The following EVL variants were observed in gnomAD, a reference collection of about 807,000 sequenced individuals.
EVL encodes the protein Enah/Vasp-like, also known as ena/VASP-like protein.
A neutral mutation model predicts 59.6 loss-of-function variants in EVL; 21 were observed. The observed-to-expected ratio is 0.35, with a 90% CI of 0.25 to 0.51. The LOEUF (loss-of-function observed/expected upper bound fraction) is 0.51. EVL is among the 20% of genes least tolerant of loss of function. The probability of loss-of-function intolerance (pLI) is 0.97; values close to 1 mark genes in which losing one functional copy is unlikely to be tolerated. For synonymous variants in EVL, 198 were observed against 203.5 expected (o/e 0.97, Z 0.23); for missense variants, 462 against 546.6 (o/e 0.85, Z 1.54).
chr14:100,067,808 G>A lies in EVL; in HGVS notation c.11+2297G>A, dbSNP rs116656807. ...GGAAGACAGCACTCACAGAAATGAG[G>A]AGGCGACTGGCTGTGAGGACCCTGC... On this transcript the variant is annotated intron_variant, in intron 1 of 13. Transcript: ENST00000392920. 4.6e-3 allele frequency among the ~76,000 whole-genome samples: 693 copies of A among 152,282 alleles called. 4 individuals are homozygous for A. The highest frequency in any genetic ancestry group is 0.015 in the African/African-American group (638 of 41,568).
At chr14:100,037,628 T>C (rs547191026) in intron 1 of EVL, among the ~76,000 whole-genome samples, 4 of 152,310 alleles carry the variant, frequency 2.6e-5, no homozygotes, top group African/African-American at 9.6e-5. Flanking sequence ...ACAAATAAAA[T>C]ATAGAATATT....
At chr14:100,023,020 T>C (rs1007069900) in intron 1 of EVL, among the ~76,000 whole-genome samples, 3 of 152,108 alleles carry the variant, frequency 2.0e-5, no homozygotes, top group Admixed American at 6.6e-5. Context: ...TGTGATGATT[T>C]ACTGCTGCCT....
Position 100,114,880 on chromosome 14 carries a change from G to C in EVL, c.359-8659G>C, listed in dbSNP as rs572137118. ...TTTGCAATGACATCCTTGCGGAAGC[G>C]GCAGGGTGGAAGCAGCAGCTGGGTA... is the stretch of plus-strand genomic sequence containing the variant. On this transcript the variant is annotated intron_variant, in intron 3 of 13. Transcript: ENST00000392920. This position sits in a 1 kb window ranked among gnomAD's most constrained non-coding sequence, Gnocchi z 5.0. Among the ~76,000 whole-genome samples, 2 of 152,086 alleles carry C rather than the reference G, an allele frequency of 1.3e-5. No individual in the cohort carries two copies. Among genetic ancestry groups the C allele is most frequent in the Non-Finnish European group, 2.9e-5 (2 of 68,004 alleles).
intron 1 of EVL, among the ~76,000 whole-genome samples, chr14:100,028,503 C>G (rs1393255114): frequency 6.6e-6 from 1 of 152,094 alleles, no homozygotes; most frequent in Non-Finnish European, 1.5e-5. Context: ...GATGGCAAAG[C>G]AGATATACTT....
intron 2 of EVL, chr14:100,096,882 A>G (rs929858947): frequency 3.3e-5 from 5 of 152,248 alleles, no homozygotes; most frequent in African/African-American, 1.2e-4. Flanking sequence ...TAAGATATGA[A>G]TAATGCTGTA....
At chr14:99,986,696 T>C (rs551504862) in intron 1 of EVL, among the ~76,000 whole-genome samples, 4 of 152,368 alleles carry the variant, frequency 2.6e-5, no homozygotes, top group Admixed American at 2.6e-4. Flanking sequence ...TGTAGCCTAG[T>C]TCCAAGGAGA....
At chr14:100,062,924 C>A (rs1415146696), upstream of EVL, among the ~76,000 whole-genome samples, 2 of 152,078 alleles carry the variant, frequency 1.3e-5, no homozygotes, top group African/African-American at 4.8e-5. Context: ...AAGACCCCAT[C>A]TCTATTTAAA....
intron 1 of EVL, among the ~76,000 whole-genome samples, chr14:100,024,227 ACTCTT>A (rs2061173871): frequency 6.6e-6 from 1 of 152,136 alleles, no homozygotes; most frequent in South Asian, 2.1e-4. Context: ...ATTTATATCT[ACTCTT>A]GGGAAATGTG....
intron 3 of EVL, among the ~76,000 whole-genome samples, chr14:100,113,949 A>G (rs1294689675): frequency 6.6e-6 from 1 of 152,142 alleles, no homozygotes; most frequent in East Asian, 1.9e-4. Flanking sequence ...TTTCCTGGCC[A>G]AGGAATGGCC....
chr14:99,986,752 C>A (rs1433029202), intron 1 of EVL, among the ~76,000 whole-genome samples: 1 of 152,222 alleles, frequency 6.6e-6, no homozygotes, highest in African/African-American at 2.4e-5. Context: ...ACTGGACTTA[C>A]TACCCCTACA....
At chr14:100,135,876 T>A (rs577070759) in intron 8 of EVL, 29 bp from the exon 9 acceptor site, 5 of 1,613,548 alleles carry the variant, frequency 3.1e-6, no homozygotes, top group East Asian at 2.2e-5. Context: ...GTGGCCTTCC[T>A]AAACAGACTC....
chr14:100,058,543 G>C (rs6575761), intron 1 of EVL, among the ~76,000 whole-genome samples: 2 of 152,216 alleles, frequency 1.3e-5, no homozygotes, highest in African/African-American at 4.8e-5. Flanking sequence ...ACTAAATTGC[G>C]TCACAAGTGC....
chr14:100,083,534 A>T lies in EVL; in HGVS notation c.12-1153A>T, dbSNP rs561225484. Reference sequence around the variant, plus strand: ...GAAGATGTTAAAGATTATTAGGTTTATGAAGAGCCAGTGGGCTCCGAGAGA... The same window carrying T: ...GAAGATGTTAAAGATTATTAGGTTTTTGAAGAGCCAGTGGGCTCCGAGAGA... On this transcript the variant is annotated intron_variant, in intron 1 of 13. Transcript: ENST00000392920. Among the ~76,000 whole-genome samples, 123 of 152,264 alleles carry T rather than the reference A, an allele frequency of 8.1e-4. No homozygotes were observed. The South Asian group carries it at 0.011, about 13-fold the overall frequency.
chr14:100,017,158 G>T (rs1324768118), intron 1 of EVL, among the ~76,000 whole-genome samples: 1 of 152,196 alleles, frequency 6.6e-6, no homozygotes, highest in Non-Finnish European at 1.5e-5. Context: ...TAAGTTGGGA[G>T]AATCTCTTAA....
At chr14:100,082,175 C>T (rs190480602) in intron 1 of EVL, among the ~76,000 whole-genome samples, 2 of 151,680 alleles carry the variant, frequency 1.3e-5, no homozygotes, top group Non-Finnish European at 2.9e-5. Flanking sequence ...CCTGTCCCCC[C>T]CTCCCCCGCA....
chr14:100,083,210 C>T (rs1401376244), intron 1 of EVL, among the ~76,000 whole-genome samples: 1 of 152,136 alleles, frequency 6.6e-6, no homozygotes, highest in Non-Finnish European at 1.5e-5. Context: ...AGACAGCATC[C>T]AGAACACACA....
intron 5 of EVL, among the ~76,000 whole-genome samples, chr14:100,128,256 C>T (rs1253001227): frequency 6.6e-6 from 1 of 152,204 alleles, no homozygotes; most frequent in East Asian, 1.9e-4. Context: ...ATTGCCTGGG[C>T]TCAAGGAATG....
intron 3 of EVL, among the ~76,000 whole-genome samples, chr14:100,119,848 T>A (rs1442755872): frequency 6.6e-6 from 1 of 152,152 alleles, no homozygotes; most frequent in Admixed American, 6.5e-5. Flanking sequence ...CCAGGTCCTC[T>A]CGTGCCCACT....
At chr14:100,120,213 A>G (rs1887609114) in intron 3 of EVL, among the ~76,000 whole-genome samples, 1 of 152,110 alleles carries the variant, frequency 6.6e-6, no homozygotes, top group African/African-American at 2.4e-5. Flanking sequence ...CTCACCTCCT[A>G]GGTTTTTCTT....
Sources: allele counts gnomAD v4.1 joint callset (sites outside exome capture counted in the v4.1 genomes callset), GRCh38; gene constraint gnomAD v4.1.1; non-coding constraint Gnocchi (gnomAD v3.1); transcripts MANE v1.5; gene names NCBI Gene and HGNC (gene_info 2026-07-23, HGNC 2026-07-21).